Variants in UVRAG observed in about 807,000 individuals in gnomAD.
The protein encoded by UVRAG is UV radiation resistance associated, also known as UV radiation resistance-associated gene protein.
In UVRAG, 19 loss-of-function variants were observed where a neutral mutation model predicts 78.0. The observed-to-expected ratio is 0.24, with a 90% CI of 0.17 to 0.36. UVRAG has a LOEUF of 0.36. Among genes scored for constraint, UVRAG ranks in the 10% least tolerant of loss-of-function variants. UVRAG has a pLI of 1.00. For missense variants in UVRAG, 740 were observed against 853.8 expected (o/e 0.87, Z 1.66); for synonymous variants, 323 against 324.6 (o/e 1.00, Z 0.05).
intron 1 of UVRAG, among the ~76,000 whole-genome samples, chr11:75,844,904 G>A (rs1047319167): frequency 1.3e-5 from 2 of 152,222 alleles, no homozygotes; most frequent in South Asian, 4.1e-4. Context: ...GGGCTCAAGC[G>A]ATGTGCCCTC....
rs1470287537 is a variant in UVRAG at position 75,877,584 on chromosome 11, A to C, written c.271-2295A>C. Among the ~76,000 whole-genome samples the C allele has an allele frequency of 2.0e-3, 247 of 126,344 alleles. 1 individual carries two copies. Among genetic ancestry groups the C allele is most frequent in the Non-Finnish European group, 3.2e-3 (193 of 60,774 alleles). The allele number at this position is 126,344 out of a possible 152,430, so 82.9% of individuals were successfully genotyped here. On this transcript the variant is annotated intron_variant, in intron 3 of 14. Coordinates refer to ENST00000356136, the MANE Select transcript of UVRAG (RefSeq NM_003369.4). ...CTGACCCCCCCCACCTCCCTCCCGT[A>C]CGGGTCGGCTGGCCGGGCGGGGGGC... is the stretch of plus-strand genomic sequence containing the variant.
At chr11:75,971,063 A>G (rs1264234549) in intron 7 of UVRAG, among the ~76,000 whole-genome samples, 3 of 152,082 alleles carry the variant, frequency 2.0e-5, no homozygotes, top group South Asian at 2.1e-4. Flanking sequence ...TACTGTCTCT[A>G]TAATTTTACC....
intron 3 of UVRAG, among the ~76,000 whole-genome samples, chr11:75,868,243 C>T (rs1007977700): frequency 2.6e-5 from 4 of 151,980 alleles, no homozygotes; most frequent in African/African-American, 9.7e-5. Flanking sequence ...AATACTGTTA[C>T]GGGACAAGAA....
chr11:76,030,159 CTG>C (rs1270464528), intron 12 of UVRAG, among the ~76,000 whole-genome samples: 2 of 151,320 alleles, frequency 1.3e-5, no homozygotes, highest in African/African-American at 4.9e-5. Flanking sequence ...AAAAAAAAAA[CTG>C]TATGAGTCAC....
At chr11:76,040,607 G>A (rs1441863644) in intron 12 of UVRAG, among the ~76,000 whole-genome samples, 1 of 152,048 alleles carries the variant, frequency 6.6e-6, no homozygotes, top group Non-Finnish European at 1.5e-5. Flanking sequence ...CCAGGCTGGA[G>A]TGCAGTGGCG....
intron 13 of UVRAG, among the ~76,000 whole-genome samples, chr11:76,105,909 A>G (rs1264884928): frequency 1.3e-5 from 2 of 152,170 alleles, no homozygotes; most frequent in Non-Finnish European, 2.9e-5. Context: ...AAAAACTTAT[A>G]TAATCACTTT....
chr11:75,961,513 A>C lies in UVRAG; in HGVS notation c.663A>C (p.Glu221Asp). The change falls in exon 7 of 15, where the codon GAA (glutamate) becomes GAC (aspartate). Residue 221 changes from glutamate (E) to aspartate (D), a missense_variant. Transcript: ENST00000356136. ...TTCAGAAAATTGGAAAGGAAATTGA[A>C]GAAAAACTAAGACTCACATCTACAA... is the stretch of plus-strand genomic sequence containing the variant. The part of the protein sequence containing the change: ...VTVQKIGKEI[E>D]EKLRLTSTSN... 6.2e-7 allele frequency: 1 copy of C among 1,607,360 alleles called. No homozygotes were observed. Among genetic ancestry groups the C allele is most frequent in the South Asian group, 1.1e-5 (1 of 89,392 alleles).
intron 14 of UVRAG, among the ~76,000 whole-genome samples, chr11:76,127,271 A>T (rs540902299): frequency 1.3e-5 from 2 of 149,944 alleles, no homozygotes; most frequent in Non-Finnish European, 3.0e-5. Flanking sequence ...TTGGATGGTA[A>T]CATAAGTACT....
intron 4 of UVRAG, among the ~76,000 whole-genome samples, chr11:75,887,077 T>C (rs1233750877): frequency 6.6e-6 from 1 of 151,728 alleles, no homozygotes; most frequent in Non-Finnish European, 1.5e-5. Flanking sequence ...ACAATTCTCC[T>C]GCCTCACTCA....
intron 13 of UVRAG, among the ~76,000 whole-genome samples, chr11:76,067,595 A>G (rs1293367817): frequency 6.6e-6 from 1 of 152,040 alleles, no homozygotes. Context: ...CATCTCTACT[A>G]AAAAATACAA....
At chr11:76,104,024 T>C (rs1951929181) in intron 13 of UVRAG, among the ~76,000 whole-genome samples, 1 of 151,772 alleles carries the variant, frequency 6.6e-6, no homozygotes, top group African/African-American at 2.4e-5. Context: ...GAAAACAAAA[T>C]CTTAAACAAC....
At chr11:76,081,267 G>T (rs534950216) in intron 13 of UVRAG, among the ~76,000 whole-genome samples, 1 of 151,632 alleles carries the variant, frequency 6.6e-6, no homozygotes, top group Non-Finnish European at 1.5e-5. Context: ...GTACAATGGC[G>T]CAATCTTGAC....
chr11:76,028,016 G>A (rs1467041038), intron 12 of UVRAG, among the ~76,000 whole-genome samples: 1 of 152,090 alleles, frequency 6.6e-6, no homozygotes, highest in Non-Finnish European at 1.5e-5. Context: ...TTGAAGGTTT[G>A]TGGTAACCTT....
intron 11 of UVRAG, among the ~76,000 whole-genome samples, chr11:76,011,743 TGG>T (rs1950054321): frequency 6.6e-6 from 1 of 152,172 alleles, no homozygotes; most frequent in African/African-American, 2.4e-5. Flanking sequence ...GTGTAAGAGA[TGG>T]TTAAGACATT....
chr11:75,999,236 G>GT (rs1949763633), intron 8 of UVRAG, among the ~76,000 whole-genome samples: 2 of 8,624 alleles, frequency 2.3e-4, no homozygotes, highest in Non-Finnish European at 7.4e-4. Flanking sequence ...CTGCCTCAGA[G>GT]AAAAAAAAAA....
intron 8 of UVRAG, among the ~76,000 whole-genome samples, chr11:75,993,317 T>A (rs995067710): frequency 6.6e-6 from 1 of 152,202 alleles, no homozygotes; most frequent in Admixed American, 6.5e-5. Flanking sequence ...AAGGGCCTCA[T>A]TACTTCACAC....
intron 3 of UVRAG, among the ~76,000 whole-genome samples, chr11:75,879,444 T>C (rs1021020404): frequency 1.3e-5 from 2 of 152,244 alleles, no homozygotes; most frequent in African/African-American, 4.8e-5. Flanking sequence ...AGTTTATTTT[T>C]CCTTTCTCTT....
At chr11:76,055,303 C>G (rs1950959464) in intron 12 of UVRAG, among the ~76,000 whole-genome samples, 1 of 152,216 alleles carries the variant, frequency 6.6e-6, no homozygotes, top group African/African-American at 2.4e-5. Flanking sequence ...CTGCCTTGGT[C>G]CCCCAAAGTG....
At chr11:75,924,565 T>C (rs1269965239) in intron 6 of UVRAG, among the ~76,000 whole-genome samples, 3 of 151,972 alleles carry the variant, frequency 2.0e-5, no homozygotes. Flanking sequence ...TTTTTTTGTA[T>C]TTTTAGTAGA....
Sources: gnomAD v4.1 joint callset for allele counts (sites outside exome capture counted in the v4.1 genomes callset) on GRCh38, gnomAD v4.1.1 for gene constraint, MANE v1.5 for transcripts, NCBI Gene and HGNC (gene_info 2026-07-23, HGNC 2026-07-21) for gene names.